The following RPL7A variants were observed in gnomAD, a reference collection of about 807,000 sequenced individuals.
The protein encoded by RPL7A is ribosomal protein L7a, also known as large ribosomal subunit protein eL8.
For missense variants in RPL7A, 291 were observed against 338.2 expected, an observed-to-expected ratio of 0.86 and a Z score of 1.09; for synonymous variants, 158 against 128.2, an observed-to-expected ratio of 1.23 and a Z score of -1.57.
In RPL7A at chr9:133,350,051, A is replaced by C. The variant is rs1399032786; in HGVS notation, c.414A>C (p.Ala138=). 6.8e-6 allele frequency: 11 copies of C among 1,613,852 alleles called. No homozygotes were observed. The Admixed American group carries it at 1.3e-4, about 20-fold the overall frequency. ...VPTKRPPVLR[A]GVNTVTTLVE... Reference sequence around the variant, plus strand: ...CGAAGAGACCACCTGTCCTTCGAGCAGGTGAGTAGGCCCCACCTTAGGGTG... The same window carrying C: ...CGAAGAGACCACCTGTCCTTCGAGCCGGTGAGTAGGCCCCACCTTAGGGTG... Residue 138 remains alanine (A), a splice_region_variant and synonymous_variant, in exon 4 of 8, where the codon GCA becomes GCC. Coordinates refer to ENST00000323345, the MANE Select transcript of RPL7A (RefSeq NM_000972.3).
At chr9:133,349,165 CTCT>C in intron 2 of RPL7A, 123 bp downstream of exon 2, 1 of 1,169,798 alleles carries the variant, frequency 8.5e-7, no homozygotes, top group South Asian at 1.4e-5. Flanking sequence ...TAATTTGTGT[CTCT>C]TAGAGACGGG....
intron 1 of RPL7A, 142 bp from the exon 2 acceptor site, chr9:133,348,780 T>TG (rs1416978849): frequency 4.0e-6 from 5 of 1,252,676 alleles, no homozygotes; most frequent in East Asian, 2.4e-5. Context: ...GGGGTGGTGC[T>TG]GGGGGGTTGC....
Position 133,349,718 on chromosome 9 carries a change from G to A in RPL7A, c.274+18G>A, listed in dbSNP as rs782802831. The A allele has an allele frequency of 6.2e-7, 1 of 1,612,012 alleles. No homozygotes were observed. The highest frequency in any genetic ancestry group is 1.7e-5 in the Admixed American group (1 of 59,776). On this transcript the variant is annotated intron_variant, in intron 3 of 7. Transcript: ENST00000323345. ...CCAAACAGGTGAGGTTCTGTGGCGT[G>A]GAAAGGAGTTTCTCAGGCAAGGATT...
chr9:133,349,451 CCA>C (rs1836318849), intron 2 of RPL7A, 98 bp from the exon 3 acceptor site: 5 of 1,421,202 alleles, frequency 3.5e-6, no homozygotes, highest in African/African-American at 1.4e-5. Context: ...ACATTTTAAA[CCA>C]CCAAGATCGC....
chr9:133,350,756 C>G, intron 6 of RPL7A, 29 bp downstream of exon 6: 1 of 1,608,774 alleles, frequency 6.2e-7, no homozygotes, highest in Non-Finnish European at 8.5e-7. Context: ...CCCAAACTTC[C>G]CCCCAGTTCA....
In RPL7A at chr9:133,348,986, A is replaced by C. The variant is rs2129982591; in HGVS notation, c.68A>C (p.Glu23Ala). Residue 23 changes from glutamate to alanine, a missense_variant, in exon 2 of 8, where the codon GAG (glutamate) becomes GCG (alanine). Transcript: ENST00000323345. ...GCCCCAGCTGTCGTGAAGAAGCAGG[A>C]GGCTAAGAAAGTGGTGAATCCCCTG... ...APAPAVVKKQ[E>A]AKKVVNPLFE... The C allele has an allele frequency of 5.6e-6, 9 of 1,613,906 alleles. No homozygotes were observed. Among genetic ancestry groups the C allele is most frequent in the East Asian group, 2.2e-5 (1 of 44,896 alleles).
intron 4 of RPL7A, 32 bp from the exon 5 acceptor site, chr9:133,350,208 G>A (rs2129992115): frequency 1.4e-5 from 23 of 1,613,240 alleles, no homozygotes; most frequent in Non-Finnish European, 1.9e-5. Flanking sequence ...AGCAGGCCCT[G>A]TGAGTGCTCA....
chr9:133,351,107 A>C, intron 7 of RPL7A, 36 bp downstream of exon 7: 1 of 1,602,304 alleles, frequency 6.2e-7, no homozygotes, highest in Non-Finnish European at 8.5e-7. Flanking sequence ...ACTGTCATTC[A>C]CAAATCTTTC....
At position 133,348,319 on chromosome 9, in the gene RPL7A, G is replaced by A. The variant is rs1317325020; in HGVS notation, c.3+73G>A. 4 of 1,591,296 alleles carry A rather than the reference G, an allele frequency of 2.5e-6. No individual in the cohort carries two copies. The South Asian group carries it at 3.3e-5, about 13-fold the overall frequency. On this transcript the variant is annotated intron_variant, in intron 1 of 7. Coordinates refer to ENST00000323345, the MANE Select transcript of RPL7A (RefSeq NM_000972.3). ...TCCGCTGCCATCCTCCTCCAGGCGC[G>A]GCCTCGGAGGGCCTCCTGCTCCTCC... is the stretch of plus-strand genomic sequence containing the variant.
chr9:133,350,635 G>T lies in RPL7A; in HGVS notation c.534G>T (p.Gly178=). ...TGCCTGCCCTGTGTCGTAAAATGGG[G>T]GTCCCTTACTGCATTATCAAGGGAA... ...VFLPALCRKM[G]VPYCIIKGKA... The change falls in exon 6 of 8, where the codon GGG becomes GGT. Residue 178 remains glycine, a synonymous_variant. Coordinates refer to ENST00000323345, the MANE Select transcript of RPL7A (RefSeq NM_000972.3). 1 of 1,613,976 alleles carries T rather than the reference G, an allele frequency of 6.2e-7. No individual in the cohort carries two copies. The highest frequency in any genetic ancestry group is 8.5e-7 in the Non-Finnish European group (1 of 1,179,960).
chr9:133,350,774 C>A (rs183572165), intron 6 of RPL7A, 47 bp downstream of exon 6: 1 of 1,606,832 alleles, frequency 6.2e-7, no homozygotes. Flanking sequence ...TCATTTAATC[C>A]ATGCCTCACA....
At position 133,351,403 on chromosome 9, in the gene RPL7A, T is replaced by C. The variant is rs1225863551; in HGVS notation, c.*37T>C. ...TGAGTTTTCTGTACATAAAAATAAT[T>C]GAAATAATACAAATTTTCCTTCAGC... On this transcript the variant is annotated 3_prime_UTR_variant, in exon 8 of 8. Transcript: ENST00000323345. 7.7e-6 allele frequency: 11 copies of C among 1,436,470 alleles called. No individual in the cohort carries two copies. The highest frequency in any genetic ancestry group is 1.4e-5 in the African/African-American group (1 of 71,514). 89.0% of individuals were successfully genotyped at this position (1,436,470 alleles called of 1,614,324 possible).
Position 133,351,005 on chromosome 9 carries a change from A to G in RPL7A, c.630A>G (p.Glu210=), listed in dbSNP as rs2119077427. The change falls in exon 7 of 8, where the codon GAA becomes GAG. Residue 210 remains glutamate, a synonymous_variant. Coordinates refer to ENST00000323345, the MANE Select transcript of RPL7A (RefSeq NM_000972.3). ...TGTTTCCCCTCCTGCCTTTTAGGGA[A>G]GACAAAGGCGCTTTGGCTAAGCTGG... The part of the protein sequence containing the change: ...TTVAFTQVNS[E]DKGALAKLVE... 3 of 1,614,120 alleles carry G rather than the reference A, an allele frequency of 1.9e-6. No individual in the cohort carries two copies. The East Asian group carries it at 6.7e-5, about 36-fold the overall frequency.
rs141401393 is a variant in RPL7A at position 133,350,707 on chromosome 9, C to T, written c.606C>T (p.Val202=). ...TCCACAGGAAGACCTGCACCACTGT[C>T]GCCTTCACACAGGTGAACTCGTAAG... ...RLVHRKTCTT[V]AFTQVNSEDK... The change falls in exon 6 of 8, where the codon GTC becomes GTT. Residue 202 remains valine, a synonymous_variant. Transcript: ENST00000323345. The T allele has an allele frequency of 1.3e-4, 210 of 1,614,042 alleles. 1 individual carries two copies. In the African/African-American group the frequency reaches 2.3e-3, roughly 18 times the overall value.
rs2129990763 is a variant in RPL7A at position 133,350,027 on chromosome 9, G to C, written c.390G>C (p.Thr130=). ...KKAAGKGDVP[T]KRPPVLRAGV... ...CTGCTGGCAAAGGGGACGTCCCAAC[G>C]AAGAGACCACCTGTCCTTCGAGCAG... The change falls in exon 4 of 8, where the codon ACG becomes ACC. Residue 130 remains threonine (T), a synonymous_variant. Transcript: ENST00000323345. 81 of 1,613,490 alleles carry C rather than the reference G, an allele frequency of 5.0e-5. No individual in the cohort carries two copies. Among genetic ancestry groups the C allele is most frequent in the Non-Finnish European group, 6.2e-5 (73 of 1,180,036 alleles).
Position 133,350,744 on chromosome 9 carries a change from GC to G in RPL7A, c.626+21del. 6.2e-7 allele frequency: 1 copy of G among 1,610,286 alleles called. No individual in the cohort carries two copies. Among genetic ancestry groups the G allele is most frequent in the Non-Finnish European group, 8.5e-7 (1 of 1,176,702 alleles). On this transcript the variant is annotated intron_variant, in intron 6 of 7. Coordinates refer to ENST00000323345, the MANE Select transcript of RPL7A (RefSeq NM_000972.3). ...GGTGAACTCGTAAGTACACAGCCTG[GC>G]CCCAAACTTCCCCCCAGTTCATTTA...
intron 6 of RPL7A, 82 bp downstream of exon 6, chr9:133,350,809 C>T (rs2129996206): frequency 3.2e-6 from 5 of 1,581,804 alleles, no homozygotes; most frequent in Non-Finnish European, 8.7e-7. Flanking sequence ...CCTTAAAGGC[C>T]AATCTTTTAG....
intron 5 of RPL7A, 115 bp downstream of exon 5, chr9:133,350,434 A>G (rs2129993468): frequency 4.0e-6 from 6 of 1,491,602 alleles, no homozygotes; most frequent in Non-Finnish European, 5.6e-6. Flanking sequence ...GTACTGACAC[A>G]GATCCAACAC....
intron 1 of RPL7A, 96 bp from the exon 2 acceptor site, chr9:133,348,826 T>A: frequency 6.3e-7 from 1 of 1,592,834 alleles, no homozygotes; most frequent in Non-Finnish European, 8.6e-7. Flanking sequence ...AGGCAGGTGC[T>A]GTCAGCGTCC....
Sources: gnomAD v4.1 joint callset for allele counts on GRCh38, gnomAD v4.1.1 for gene constraint, MANE v1.5 for transcripts, NCBI Gene and HGNC (gene_info 2026-07-23, HGNC 2026-07-21) for gene names.